Variants in ZMIZ1 observed in about 807,000 individuals in gnomAD.
ZMIZ1 encodes zinc finger MIZ domain-containing protein 1.
A neutral mutation model predicts 113.9 loss-of-function variants in ZMIZ1; 17 were observed. The ratio of observed to expected loss-of-function variants is 0.15; its 90% CI spans 0.10 to 0.22. ZMIZ1 has a LOEUF of 0.22. Ranked by LOEUF, ZMIZ1 falls within the 10% of genes least tolerant of loss-of-function variation. The pLI is 1.00. For missense variants in ZMIZ1, 1,059 were observed against 1,477.8 expected (o/e 0.72, Z 4.65); for synonymous variants, 607 against 603.1 (o/e 1.01, Z -0.09).
chr10:79,070,769 G>C (rs1198797735), intron 1 of ZMIZ1, among the ~76,000 whole-genome samples: 1 of 152,054 alleles, frequency 6.6e-6, no homozygotes, highest in Non-Finnish European at 1.5e-5. Context: ...GGCTGCGCCT[G>C]CCCGGGAGCC....
chr10:79,140,441 T>C (rs1480608789), intron 3 of ZMIZ1, among the ~76,000 whole-genome samples: 1 of 152,214 alleles, frequency 6.6e-6, no homozygotes, highest in Non-Finnish European at 1.5e-5. Context: ...CATACCAGCT[T>C]CTATGCTTTT....
chr10:79,292,242 A>G lies in ZMIZ1; in HGVS notation c.843A>G (p.Ala281=). 6.2e-7 allele frequency: 1 copy of G among 1,612,194 alleles called. No individual in the cohort carries two copies. The highest frequency in any genetic ancestry group is 2.2e-5 in the East Asian group (1 of 44,856). Residue 281 remains alanine (A), a synonymous_variant, in exon 11 of 25, where the codon GCA becomes GCG. Coordinates refer to ENST00000334512, the MANE Select transcript of ZMIZ1 (RefSeq NM_020338.4). ...CTGCTGACTTCACTCAGCCCGCGGC[A>G]GCCGCTGCAGCAGCGGCAGTGGCAG... ...RPPADFTQPA[A]AAAAAAVAAA... is the part of the protein sequence containing the mutation.
chr10:79,080,666 C>T (rs540191821), intron 1 of ZMIZ1, among the ~76,000 whole-genome samples: 5 of 152,240 alleles, frequency 3.3e-5, no homozygotes, highest in South Asian at 4.1e-4. Context: ...GTGAGTTTGA[C>T]GTCAGTTTAT....
chr10:79,265,331 C>T (rs1035123163), intron 7 of ZMIZ1, among the ~76,000 whole-genome samples: 6 of 152,116 alleles, frequency 3.9e-5, no homozygotes, highest in Non-Finnish European at 1.5e-5. Flanking sequence ...GATCCCAGGC[C>T]ACCTGCACCA....
chr10:79,075,121 C>T (rs1842426237), intron 1 of ZMIZ1, among the ~76,000 whole-genome samples: 1 of 152,092 alleles, frequency 6.6e-6, no homozygotes, highest in Admixed American at 6.5e-5. Context: ...CACCCCTAGA[C>T]AGCCAGCTGA....
intron 7 of ZMIZ1, among the ~76,000 whole-genome samples, chr10:79,253,561 G>T (rs750871486): frequency 6.6e-6 from 1 of 152,194 alleles, no homozygotes; most frequent in Non-Finnish European, 1.5e-5. Flanking sequence ...ACCCAGCAAG[G>T]GGTGGGAACT....
chr10:79,309,460 C>T (rs574915858), intron 23 of ZMIZ1, among the ~76,000 whole-genome samples: 1 of 152,316 alleles, frequency 6.6e-6, no homozygotes, highest in East Asian at 1.9e-4. Context: ...TGGCCCATTC[C>T]TCCAGCCTCT....
intron 4 of ZMIZ1, among the ~76,000 whole-genome samples, chr10:79,171,080 A>G (rs567816913): frequency 6.6e-6 from 1 of 152,192 alleles, no homozygotes; most frequent in Non-Finnish European, 1.5e-5. Flanking sequence ...GGCAGCCCCC[A>G]TGGAAGCTTT....
intron 1 of ZMIZ1, among the ~76,000 whole-genome samples, chr10:79,093,114 T>A (rs964189122): frequency 1.4e-5 from 2 of 141,226 alleles, no homozygotes; most frequent in Non-Finnish European, 3.0e-5. Context: ...TATTATTCTT[T>A]CTACCACCCC....
At chr10:79,310,540 TC>T (rs1270244781) in intron 23 of ZMIZ1, among the ~76,000 whole-genome samples, 1 of 152,070 alleles carries the variant, frequency 6.6e-6, no homozygotes, top group Non-Finnish European at 1.5e-5. Flanking sequence ...CCCTCCTGCC[TC>T]CCGCTCCCCG....
At chr10:79,260,307 C>CT (rs1358448494) in intron 7 of ZMIZ1, among the ~76,000 whole-genome samples, 1 of 152,178 alleles carries the variant, frequency 6.6e-6, no homozygotes, top group Non-Finnish European at 1.5e-5. Flanking sequence ...GGAATCAGGA[C>CT]TTTAAAAGCA....
At position 79,201,522 on chromosome 10, in the gene ZMIZ1, A is replaced by T. The variant is rs562589026; in HGVS notation, c.-49-62A>T. On this transcript the variant is annotated intron_variant, in intron 4 of 24. Coordinates refer to ENST00000334512, the MANE Select transcript of ZMIZ1 (RefSeq NM_020338.4). ...GTGTTGTGGCCAGAGGGCAGTTGGG[A>T]GGCTGCTCAAGGTTGGCAGGCCTGG... 5.2e-4 allele frequency: 650 copies of T among 1,251,614 alleles called. 1 individual carries two copies. Among genetic ancestry groups the T allele is most frequent in the Non-Finnish European group, 5.9e-4 (518 of 879,086 alleles). The allele number at this position is 1,251,614 out of a possible 1,614,324, so 77.5% of individuals were successfully genotyped here. A position where few individuals can be genotyped will look rare whatever the true frequency, so the allele number is the denominator to read the frequency against.
chr10:79,221,642 T>A (rs1373202453), intron 7 of ZMIZ1, among the ~76,000 whole-genome samples: 2 of 151,804 alleles, frequency 1.3e-5, no homozygotes, highest in Admixed American at 6.6e-5. Context: ...GCTGGCAACG[T>A]GGGCACCAAG....
intron 18 of ZMIZ1, among the ~76,000 whole-genome samples, chr10:79,302,705 T>TTTTTTTTTGG (rs1220394783): frequency 1.1e-5 from 1 of 92,422 alleles, no homozygotes; most frequent in African/African-American, 4.2e-5. Context: ...TTTTTTTTTT[T>TTTTTTTTTGG]GAGAGAGAGA....
chr10:79,165,712 A>G (rs35476558), intron 4 of ZMIZ1, among the ~76,000 whole-genome samples: 29,525 of 152,088 alleles, frequency 0.19, 3,209 homozygotes, highest in Middle Eastern at 0.24. Flanking sequence ...CTGCCCTCCC[A>G]CAGCTGGAGG....
chr10:79,300,781 A>C lies in ZMIZ1; in HGVS notation c.1858A>C (p.Met620Leu). 2 of 1,614,016 alleles carry C rather than the reference A, an allele frequency of 1.2e-6. No homozygotes were observed. Among genetic ancestry groups the C allele is most frequent in the Non-Finnish European group, 1.7e-6 (2 of 1,180,002 alleles). Residue 620 changes from methionine to leucine, a missense_variant, in exon 17 of 25, where the codon ATG becomes CTG. Physicochemically the swap from Met to Leu is conservative, Grantham distance 15. Coordinates refer to ENST00000334512, the MANE Select transcript of ZMIZ1 (RefSeq NM_020338.4). The part of the protein sequence containing the change: ...FKCYHHEDRQ[M>L]NTNWPASVQV... ...GTGCTACCACCACGAGGACCGGCAG[A>C]TGAACACCAACTGGCCCGCCTCGGT...
chr10:79,301,012 AC>A lies in ZMIZ1; in HGVS notation c.2019+73del. 1.3e-6 allele frequency: 2 copies of A among 1,567,798 alleles called. 1 individual carries two copies. On this transcript the variant is annotated intron_variant, in intron 17 of 24. Transcript: ENST00000334512. ...GTTTCACGGCATGAGAGTGCGGAAT[AC>A]CCTGCCCCACTCTGGTCCTCAGCCT...
At chr10:79,278,904 G>A (rs1268243612) in intron 8 of ZMIZ1, among the ~76,000 whole-genome samples, 12 of 152,178 alleles carry the variant, frequency 7.9e-5, no homozygotes, top group Admixed American at 7.2e-4. Flanking sequence ...TTTTCTATTC[G>A]ACAAAACCAC....
chr10:79,281,712 G>A (rs754732347), intron 8 of ZMIZ1, among the ~76,000 whole-genome samples: 7 of 152,250 alleles, frequency 4.6e-5, no homozygotes, highest in African/African-American at 9.6e-5. Flanking sequence ...TCCGTGGAGC[G>A]AGGCTTCCTC....
Sources: allele counts gnomAD v4.1 joint callset (sites outside exome capture counted in the v4.1 genomes callset), GRCh38; gene constraint gnomAD v4.1.1; transcripts MANE v1.5; gene names NCBI Gene and HGNC (gene_info 2026-07-23, HGNC 2026-07-21).